The following CDH13 variants were observed in gnomAD, a reference collection of about 807,000 sequenced individuals.
CDH13 encodes cadherin-13.
In CDH13, 24 loss-of-function variants were observed where a neutral mutation model predicts 63.8. The observed-to-expected ratio is 0.38, with a 90% CI of 0.27 to 0.53. CDH13 has a LOEUF of 0.53. CDH13 is among the 20% of genes least tolerant of loss of function. The probability of loss-of-function intolerance (pLI) is 0.85; values close to 1 mark genes in which losing one functional copy is unlikely to be tolerated. For missense variants in CDH13, 1,049 were observed against 903.1 expected (o/e 1.16, Z -2.07); for synonymous variants, 503 against 355.3 (o/e 1.42, Z -4.67).
chr16:82,672,455 G>A (rs900667788), intron 1 of CDH13, among the ~76,000 whole-genome samples: 25 of 152,038 alleles, frequency 1.6e-4, no homozygotes, highest in African/African-American at 5.1e-4. Context: ...GGCAGCTTTA[G>A]TCCCTCCCTA....
intron 1 of CDH13, chr16:82,825,311 C>G (rs2038191063): frequency 6.6e-6 from 1 of 152,162 alleles, no homozygotes. Context: ...CCCTCCCTGA[C>G]TTTGTTTTCA....
chr16:82,816,674 G>T (rs899223181), intron 1 of CDH13, among the ~76,000 whole-genome samples: 3 of 150,386 alleles, frequency 2.0e-5, no homozygotes, highest in Admixed American at 1.4e-4. Context: ...GTGAGGGGGA[G>T]ATAATAGAAG....
chr16:83,001,835 G>A (rs1912969814), intron 2 of CDH13, among the ~76,000 whole-genome samples: 1 of 152,198 alleles, frequency 6.6e-6, no homozygotes. Context: ...TGACTGCTGG[G>A]GAGCTATGGG....
At chr16:83,514,540 G>T (rs2074654014) in intron 7 of CDH13, among the ~76,000 whole-genome samples, 1 of 152,148 alleles carries the variant, frequency 6.6e-6, no homozygotes, top group East Asian at 1.9e-4. Flanking sequence ...AGCTACTCAG[G>T]AGGCTGAGGC....
intron 5 of CDH13, among the ~76,000 whole-genome samples, chr16:83,261,440 G>C (rs538344880): frequency 6.6e-6 from 1 of 152,116 alleles, no homozygotes; most frequent in African/African-American, 2.4e-5. Flanking sequence ...CCTGGCATCT[G>C]GTAGGTAAGA....
At chr16:83,471,822 C>T (rs75600260) in intron 6 of CDH13, among the ~76,000 whole-genome samples, 3,823 of 152,246 alleles carry the variant, frequency 0.025, 165 homozygotes, top group African/African-American at 0.086. Flanking sequence ...ATTTTAATTA[C>T]CTCTTGAGTC....
At chr16:83,190,294 T>C (rs2038658662) in intron 4 of CDH13, among the ~76,000 whole-genome samples, 1 of 152,166 alleles carries the variant, frequency 6.6e-6, no homozygotes, top group Non-Finnish European at 1.5e-5. Flanking sequence ...CAGCTGATTG[T>C]CATGGGGCAA....
intron 4 of CDH13, among the ~76,000 whole-genome samples, chr16:83,158,915 T>A (rs1000375315): frequency 6.6e-6 from 1 of 152,248 alleles, no homozygotes; most frequent in Non-Finnish European, 1.5e-5. Flanking sequence ...CTTTACTCAC[T>A]TCCTAAATAA....
chr16:83,019,051 C>G (rs1370370224), intron 2 of CDH13, among the ~76,000 whole-genome samples: 1 of 152,160 alleles, frequency 6.6e-6, no homozygotes, highest in Non-Finnish European at 1.5e-5. Context: ...TTAGGCTATA[C>G]TAAGTTTATA....
At chr16:83,043,522 TG>T (rs1436278595) in intron 3 of CDH13, among the ~76,000 whole-genome samples, 7 of 151,324 alleles carry the variant, frequency 4.6e-5, no homozygotes, top group African/African-American at 1.7e-4. Context: ...TGTGTGTGTG[TG>T]TGTGTATGTA....
chr16:82,811,456 A>C (rs1290769475), intron 1 of CDH13, among the ~76,000 whole-genome samples: 1 of 152,198 alleles, frequency 6.6e-6, no homozygotes, highest in Non-Finnish European at 1.5e-5. Flanking sequence ...TTGAAATGTG[A>C]TATAATAACT....
At chr16:82,805,774 C>T (rs1768857487) in intron 1 of CDH13, among the ~76,000 whole-genome samples, 1 of 152,154 alleles carries the variant, frequency 6.6e-6, no homozygotes. Flanking sequence ...AAAGACATGG[C>T]TTTGCCAGTC....
intron 5 of CDH13, among the ~76,000 whole-genome samples, chr16:83,296,066 C>A (rs1290184397): frequency 6.6e-6 from 1 of 152,190 alleles, no homozygotes; most frequent in Non-Finnish European, 1.5e-5. Flanking sequence ...CCTCTATAAG[C>A]TCCTATGTAC....
chr16:82,896,798 T>G (rs2041284975), intron 2 of CDH13, among the ~76,000 whole-genome samples: 1 of 109,902 alleles, frequency 9.1e-6, no homozygotes, highest in East Asian at 3.1e-4. Flanking sequence ...TTTTTTTTTT[T>G]GAGACGGAGT....
intron 7 of CDH13, among the ~76,000 whole-genome samples, chr16:83,580,268 G>A (rs926598960): frequency 6.6e-6 from 1 of 152,030 alleles, no homozygotes; most frequent in African/African-American, 2.4e-5. Context: ...GAACCACTGG[G>A]GCTATTTTTT....
Position 83,032,225 on chromosome 16 carries a change from C to T in CDH13, c.366+7C>T. ...CATCCAGGGCTCCTTGCAGGTAACACATCTGTTTGAGATAACTTGGGTTCA... is the reference window on the plus strand; with the variant it reads ...CATCCAGGGCTCCTTGCAGGTAACATATCTGTTTGAGATAACTTGGGTTCA... On this transcript the variant is annotated splice_region_variant and intron_variant, in intron 3 of 13. Coordinates refer to ENST00000567109, the MANE Select transcript of CDH13 (RefSeq NM_001257.5). The T allele has an allele frequency of 1.2e-6, 2 of 1,610,176 alleles. No individual in the cohort carries two copies. The highest frequency in any genetic ancestry group is 2.2e-5 in the East Asian group (1 of 44,746).
intron 3 of CDH13, among the ~76,000 whole-genome samples, chr16:83,082,345 A>T (rs184630358): frequency 1.3e-5 from 2 of 152,234 alleles, no homozygotes; most frequent in African/African-American, 4.8e-5. Context: ...CATTTTCCAG[A>T]TTCAGAAAGA....
At chr16:83,004,490 C>CTGTTT (rs757103686) in intron 2 of CDH13, among the ~76,000 whole-genome samples, 27 of 152,114 alleles carry the variant, frequency 1.8e-4, no homozygotes, top group East Asian at 1.2e-3. Context: ...GCAAGGACCC[C>CTGTTT]TGTTTTGTTT....
At chr16:83,634,714 T>C (rs1396821667) in intron 8 of CDH13, among the ~76,000 whole-genome samples, 1 of 152,154 alleles carries the variant, frequency 6.6e-6, no homozygotes, top group Non-Finnish European at 1.5e-5. Flanking sequence ...ATGAGCTCTT[T>C]TCACTAAGCA....
Sources: gnomAD v4.1 joint callset for allele counts (sites outside exome capture counted in the v4.1 genomes callset) on GRCh38, gnomAD v4.1.1 for gene constraint, MANE v1.5 for transcripts, NCBI Gene and HGNC (gene_info 2026-07-23, HGNC 2026-07-21) for gene names.